USP47: variants seen among roughly 807,000 people sequenced by gnomAD.
The protein encoded by USP47 is ubiquitin specific peptidase 47.
In USP47, 35 loss-of-function variants were observed where a neutral mutation model predicts 165.1. The ratio of observed to expected loss-of-function variants is 0.21; its 90% CI spans 0.16 to 0.28. The LOEUF is 0.28. Among genes scored for constraint, USP47 ranks in the 10% least tolerant of loss-of-function variants. USP47 has a pLI of 1.00. For synonymous variants in USP47, 531 were observed against 544.5 expected (o/e 0.98, Z 0.35); for missense variants, 1,277 against 1,607.4 (o/e 0.79, Z 3.52).
chr11:11,890,758 C>T (rs1050113629), intron 3 of USP47, among the ~76,000 whole-genome samples: 1 of 152,122 alleles, frequency 6.6e-6, no homozygotes, highest in African/African-American at 2.4e-5. Flanking sequence ...ATGGAATCAA[C>T]CTAAATGCCC....
intron 4 of USP47, 108 bp downstream of exon 4, chr11:11,892,214 G>A: frequency 7.9e-7 from 1 of 1,259,118 alleles, no homozygotes; most frequent in African/African-American, 1.5e-5. Flanking sequence ...CTGAGACCTA[G>A]AGCAGGAGTA....
intron 14 of USP47, 151 bp downstream of exon 14, chr11:11,930,902 A>G: frequency 1.7e-6 from 1 of 600,838 alleles, no homozygotes; most frequent in Middle Eastern, 4.0e-4. Context: ...TTACAAAATA[A>G]TACCAAATGT....
chr11:11,903,206 A>G (rs1443313626), intron 6 of USP47, 57 bp from the exon 7 acceptor site: 2 of 1,503,872 alleles, frequency 1.3e-6, no homozygotes, highest in African/African-American at 2.8e-5. Flanking sequence ...TAAACAACAG[A>G]TTGTTTCATT....
Position 11,922,796 on chromosome 11 carries a change from A to G in USP47, c.1291A>G (p.Ser431Gly). The change falls in exon 11 of 28, where the codon AGC becomes GGC. Residue 431 changes from serine (S) to glycine (G), a missense_variant. Coordinates refer to ENST00000527733, the MANE Select transcript of USP47 (RefSeq NM_001282659.2). ...AGGTAGTTGTCACAGTGATCAGATG[A>G]GCAACGATTTCTCCAATGATGATGG... ...NEGSCHSDQM[S>G]NDFSNDDGVD... 1 of 1,611,808 alleles carries G rather than the reference A, an allele frequency of 6.2e-7. No homozygotes were observed. Among genetic ancestry groups the G allele is most frequent in the Non-Finnish European group, 8.5e-7 (1 of 1,178,516 alleles).
chr11:11,877,846 T>C (rs1336934032), intron 1 of USP47, among the ~76,000 whole-genome samples: 14 of 88,700 alleles, frequency 1.6e-4, no homozygotes, highest in African/African-American at 6.4e-4. Context: ...TGTGTGTGTG[T>C]GTGTGTGTGT....
chr11:11,855,395 C>G (rs1315698857), intron 1 of USP47, among the ~76,000 whole-genome samples: 1 of 152,146 alleles, frequency 6.6e-6, no homozygotes, highest in Non-Finnish European at 1.5e-5. Context: ...CTGTCCCTGT[C>G]AGTGGTACTA....
intron 8 of USP47, among the ~76,000 whole-genome samples, chr11:11,909,730 G>T (rs1207326736): frequency 6.6e-6 from 1 of 152,132 alleles, no homozygotes; most frequent in African/African-American, 2.4e-5. Context: ...TTTGATCAGG[G>T]TTTAGCTGCA....
In USP47 at chr11:11,842,148, T is replaced by G. The variant is rs1477674622; in HGVS notation, c.-38T>G. 12 of 1,549,860 alleles carry G rather than the reference T, an allele frequency of 7.7e-6. No homozygotes were observed. The highest frequency in any genetic ancestry group is 2.4e-5 in the East Asian group (1 of 40,944). Reference sequence around the variant, plus strand: ...AGCGAGCCGCCGCCACCCTCCACCCTCCCCCGGCAGGGCGGAGAGGAGCGG... The same window carrying G: ...AGCGAGCCGCCGCCACCCTCCACCCGCCCCCGGCAGGGCGGAGAGGAGCGG... On this transcript the variant is annotated 5_prime_UTR_variant, in exon 1 of 28. Transcript: ENST00000527733.
Position 11,956,213 on chromosome 11 carries a change from T to G in USP47, c.*38T>G, listed in dbSNP as rs745405987. On this transcript the variant is annotated 3_prime_UTR_variant, in exon 28 of 28. Coordinates refer to ENST00000527733, the MANE Select transcript of USP47 (RefSeq NM_001282659.2). ...AGCATTTTCCCTGGGGGAGTTTTGG[T>G]TTTAATTAGATGGTTCACTACCACT... is the stretch of plus-strand genomic sequence containing the variant. 23 of 1,609,070 alleles carry G rather than the reference T, an allele frequency of 1.4e-5. 1 individual carries two copies. The highest frequency in any genetic ancestry group is 3.3e-4 in the Middle Eastern group (2 of 6,042).
chr11:11,895,241 G>A (rs566067083), intron 4 of USP47, among the ~76,000 whole-genome samples: 1 of 152,174 alleles, frequency 6.6e-6, no homozygotes, highest in Non-Finnish European at 1.5e-5. Flanking sequence ...GCTATACATT[G>A]CCATGTAATC....
At chr11:11,901,857 G>C (rs1320403962) in intron 5 of USP47, among the ~76,000 whole-genome samples, 2 of 151,520 alleles carry the variant, frequency 1.3e-5, no homozygotes, top group Non-Finnish European at 2.9e-5. Flanking sequence ...TACTCGGGAG[G>C]CTGAGACAGG....
intron 2 of USP47, among the ~76,000 whole-genome samples, chr11:11,883,212 A>G (rs1358608473): frequency 2.0e-5 from 3 of 152,196 alleles, no homozygotes; most frequent in Non-Finnish European, 2.9e-5. Context: ...CAGGTTTTCT[A>G]TGTCCTGTTT....
chr11:11,919,322 A>G (rs891259499), intron 8 of USP47, among the ~76,000 whole-genome samples: 1 of 151,958 alleles, frequency 6.6e-6, no homozygotes, highest in African/African-American at 2.4e-5. Flanking sequence ...TATGTGTAAT[A>G]TTATCAGTAG....
chr11:11,921,496 A>G (rs7480906), intron 10 of USP47, among the ~76,000 whole-genome samples: 71,517 of 151,486 alleles, frequency 0.47, 17,505 homozygotes, highest in Admixed American at 0.63. Context: ...TCCAGATGCC[A>G]TAGATGAAGT....
chr11:11,920,562 T>C (rs1564880292), intron 10 of USP47, 68 bp downstream of exon 10: 2 of 1,439,378 alleles, frequency 1.4e-6, no homozygotes, highest in East Asian at 4.9e-5. Context: ...TTGAAAGAGC[T>C]GTTTGAGGTA....
At chr11:11,940,680 G>A (rs1247805245) in intron 19 of USP47, 132 bp downstream of exon 19, 3 of 983,840 alleles carry the variant, frequency 3.0e-6, no homozygotes, top group South Asian at 3.4e-5. Context: ...TCTCAACCCA[G>A]TAATTACCTT....
At chr11:11,901,148 G>A (rs1216603235) in intron 5 of USP47, among the ~76,000 whole-genome samples, 1 of 152,148 alleles carries the variant, frequency 6.6e-6, no homozygotes, top group Non-Finnish European at 1.5e-5. Context: ...GAGTGCCAGT[G>A]TGTAACAAAA....
chr11:11,941,999 A>G (rs1476836421), intron 19 of USP47, among the ~76,000 whole-genome samples: 1 of 152,130 alleles, frequency 6.6e-6, no homozygotes, highest in Non-Finnish European at 1.5e-5. Flanking sequence ...AAAGATTTCT[A>G]CAATCTAAAG....
intron 4 of USP47, among the ~76,000 whole-genome samples, chr11:11,896,749 A>G (rs1851872855): frequency 6.6e-6 from 1 of 152,118 alleles, no homozygotes; most frequent in Non-Finnish European, 1.5e-5. Context: ...TAAATATAGG[A>G]TCCTATGAGA....
Sources: allele counts gnomAD v4.1 joint callset (sites outside exome capture counted in the v4.1 genomes callset), GRCh38; gene constraint gnomAD v4.1.1; transcripts MANE v1.5; gene names NCBI Gene and HGNC (gene_info 2026-07-23, HGNC 2026-07-21).